Variants in C11orf21 observed in about 807,000 individuals in gnomAD.
C11orf21 encodes the protein chromosome 11 open reading frame 21, also known as uncharacterized protein C11orf21.
C11orf21 carries 19 observed loss-of-function variants against 15.2 expected under a neutral mutation model. The observed-to-expected ratio is 1.25, with a 90% CI of 0.87 to 1.84. The LOEUF (loss-of-function observed/expected upper bound fraction) is 1.84. C11orf21 is among the 40% of genes most tolerant of loss of function. The probability of loss-of-function intolerance (pLI) is 0.00; values close to 1 mark genes in which losing one functional copy is unlikely to be tolerated. For missense variants in C11orf21, 171 were observed against 174.4 expected, an observed-to-expected ratio of 0.98 and a Z score of 0.11; for synonymous variants, 62 against 66.8, an observed-to-expected ratio of 0.93 and a Z score of 0.35.
At chr11:2,302,720 C>A, upstream of C11orf21, 1 of 749,262 alleles carries the variant, frequency 1.3e-6, no homozygotes, top group Non-Finnish European at 2.2e-6. Flanking sequence ...GGAATCCCTG[C>A]AGCTGAGCCT....
At chr11:2,302,312 C>G, upstream of C11orf21, 1 of 1,231,012 alleles carries the variant, frequency 8.1e-7, no homozygotes. Context: ...TCCCCTGACA[C>G]ACACACCAGC....
In C11orf21 at chr11:2,297,561, GC is replaced by G. The variant is rs1213208726; in HGVS notation, c.*388del. ...AAGGCCTGTGCTTCTGACCAGCACC[GC>G]TGGGGTTCTCAGGGCATCTACCCTT... On this transcript the variant is annotated 3_prime_UTR_variant, in exon 4 of 4. Coordinates refer to ENST00000381153, the MANE Select transcript of C11orf21 (RefSeq NM_001329958.2). The G allele has an allele frequency of 6.6e-6, 1 of 152,344 alleles. No homozygotes were observed. The highest frequency in any genetic ancestry group is 1.5e-5 in the Non-Finnish European group (1 of 68,122). 9.4% of individuals were successfully genotyped at this position (152,344 alleles called of 1,614,324 possible).
chr11:2,302,752 C>A, upstream of C11orf21: 1 of 1,014,752 alleles, frequency 9.9e-7, no homozygotes, highest in Non-Finnish European at 1.5e-6. Flanking sequence ...GACCGGGAAG[C>A]TGGAGAGAGC....
intron 3 of C11orf21, among the ~76,000 whole-genome samples, chr11:2,298,190 A>T (rs1847573926): frequency 6.6e-6 from 1 of 152,182 alleles, no homozygotes; most frequent in South Asian, 2.1e-4. Context: ...CTGCTCAAAG[A>T]TCCTCTGCAA....
At chr11:2,302,538 G>T (rs1470965809), upstream of C11orf21, among the ~76,000 whole-genome samples, 1 of 152,206 alleles carries the variant, frequency 6.6e-6, no homozygotes, top group Non-Finnish European at 1.5e-5. Flanking sequence ...GCCCCGGAGG[G>T]TGCTGGCACA....
chr11:2,300,679 C>A (rs778813464), intron 1 of C11orf21, 66 bp from the exon 2 acceptor site: 49 of 1,549,982 alleles, frequency 3.2e-5, no homozygotes, highest in Middle Eastern at 3.3e-4. Flanking sequence ...CGAAATTCTT[C>A]AGACCTGATG....
chr11:2,302,882 C>T (rs768944967), upstream of C11orf21: 1 of 1,613,682 alleles, frequency 6.2e-7, no homozygotes, highest in Admixed American at 1.7e-5. Flanking sequence ...TGACTCTTAC[C>T]TACTTCGGGG....
At chr11:2,302,219 A>T, upstream of C11orf21, 7 of 1,388,180 alleles carry the variant, frequency 5.0e-6, no homozygotes, top group Non-Finnish European at 6.6e-6. Flanking sequence ...TATCTTGGTA[A>T]CAGGCAGGTC....
intron 1 of C11orf21, chr11:2,300,864 C>G (rs1167789071): frequency 4.4e-6 from 5 of 1,137,054 alleles, no homozygotes; most frequent in Non-Finnish European, 6.4e-6. Flanking sequence ...GCCCCTAGAC[C>G]TGGTACCTTC....
chr11:2,299,076 G>A (rs996090743), intron 3 of C11orf21, among the ~76,000 whole-genome samples: 1 of 152,166 alleles, frequency 6.6e-6, no homozygotes, highest in Non-Finnish European at 1.5e-5. Context: ...GACAGGCCAG[G>A]GTGCCTCCAG....
At chr11:2,301,979 G>A (rs923681660), upstream of C11orf21, 48 of 1,489,280 alleles carry the variant, frequency 3.2e-5, no homozygotes, top group African/African-American at 5.7e-4. Flanking sequence ...CTTCCTGCCT[G>A]CCCTTCTTCC....
Position 2,301,913 on chromosome 11 carries a change from TG to T in C11orf21, c.-106del. ...CAGCAAATGCCCTGGTGTCTTGGGCTGGGCTGGGGGCACCAGGGTGAGGTGG... is the reference window on the plus strand; with the variant it reads ...CAGCAAATGCCCTGGTGTCTTGGGCTGGCTGGGGGCACCAGGGTGAGGTGG... On this transcript the variant is annotated 5_prime_UTR_variant, in exon 1 of 4. Transcript: ENST00000381153. 1 of 1,535,120 alleles carries T rather than the reference TG, an allele frequency of 6.5e-7. No individual in the cohort carries two copies.
upstream of C11orf21, chr11:2,302,852 C>T (rs1387186429): frequency 6.2e-7 from 1 of 1,613,504 alleles, no homozygotes; most frequent in Non-Finnish European, 8.5e-7. Flanking sequence ...AGCTGCTGGG[C>T]CTCTCTGTGG....
Position 2,301,821 on chromosome 11 carries a change from C to G in C11orf21, c.-13G>C, listed in dbSNP as rs942658045. The G allele has an allele frequency of 3.2e-6, 5 of 1,550,800 alleles. No homozygotes were observed. In the South Asian group the frequency reaches 5.9e-5, roughly 18 times the overall value. Reference sequence around the variant, plus strand: ...AGGTCCTGCCCATGACTTTCCCCCTCTCAGCGCCGTCCTCAGTGGCCACAC... The same window carrying G: ...AGGTCCTGCCCATGACTTTCCCCCTGTCAGCGCCGTCCTCAGTGGCCACAC... On this transcript the variant is annotated 5_prime_UTR_variant, in exon 1 of 4. Coordinates refer to ENST00000381153, the MANE Select transcript of C11orf21 (RefSeq NM_001329958.2).
rs1010543556 is a variant in C11orf21 at position 2,296,892 on chromosome 11, T to G, written c.*1058A>C. 5.9e-5 allele frequency: 9 copies of G among 152,366 alleles called. No homozygotes were observed. The highest frequency in any genetic ancestry group is 2.2e-4 in the African/African-American group (9 of 41,464). The allele number at this position is 152,366 out of a possible 1,614,324, so 9.4% of individuals were successfully genotyped here. ...ACTCTTATTTTGTCTGCCCTGGCCC[T>G]GATGCTGGTGTTTGAGATATCAGAA... On this transcript the variant is annotated 3_prime_UTR_variant, in exon 4 of 4. Transcript: ENST00000381153. This position sits in a 1 kb window ranked among gnomAD's most constrained non-coding sequence, Gnocchi z 5.6.
rs2133265313 is a variant in C11orf21 at position 2,297,057 on chromosome 11, C to T, written c.*893G>A. ...CCCACCCTGGGGTCCTCAGCCTCCG[C>T]CCAAGGCAGGGGGGACACTGCTGGC... is the stretch of plus-strand genomic sequence containing the variant. On this transcript the variant is annotated 3_prime_UTR_variant, in exon 4 of 4. Coordinates refer to ENST00000381153, the MANE Select transcript of C11orf21 (RefSeq NM_001329958.2). 1 of 152,582 alleles carries T rather than the reference C, an allele frequency of 6.6e-6. No homozygotes were observed. Among genetic ancestry groups the T allele is most frequent in the East Asian group, 1.9e-4 (1 of 5,182 alleles). The allele number at this position is 152,582 out of a possible 1,614,324, so 9.5% of individuals were successfully genotyped here. A position where few individuals can be genotyped will look rare whatever the true frequency, so the allele number is the denominator to read the frequency against.
rs148956256 is a variant in C11orf21 at position 2,298,121 on chromosome 11, A to T, written c.*29-200T>A. ...ATTTTGCAGGAACACGATTCTGTCCATAGCGAACACTGACACTGAACCCGC... is the reference window on the plus strand; with the variant it reads ...ATTTTGCAGGAACACGATTCTGTCCTTAGCGAACACTGACACTGAACCCGC... On this transcript the variant is annotated intron_variant, in intron 3 of 3. Transcript: ENST00000381153. Among the ~76,000 whole-genome samples the T allele has an allele frequency of 1.1e-4, 17 of 152,308 alleles. No individual in the cohort carries two copies. In the East Asian group the frequency reaches 3.3e-3, roughly 29 times the overall value.
chr11:2,301,085 C>T (rs959316704), intron 1 of C11orf21: 1 of 359,834 alleles, frequency 2.8e-6, no homozygotes, highest in Non-Finnish European at 5.1e-6. Context: ...TCCTGGTTCT[C>T]CTGGTTCTCC....
intron 3 of C11orf21, among the ~76,000 whole-genome samples, chr11:2,298,286 G>C (rs1015507941): frequency 1.3e-5 from 2 of 152,208 alleles, no homozygotes; most frequent in African/African-American, 4.8e-5. Context: ...CTTGAGCATC[G>C]GGGTCTGGCC....
Sources: gnomAD v4.1 joint callset for allele counts (sites outside exome capture counted in the v4.1 genomes callset) on GRCh38, gnomAD v4.1.1 for gene constraint, Gnocchi (gnomAD v3.1) non-coding constraint, MANE v1.5 for transcripts, NCBI Gene and HGNC (gene_info 2026-07-23, HGNC 2026-07-21) for gene names.